The following TTC7A variants were observed in gnomAD, a reference collection of about 807,000 sequenced individuals.
TTC7A encodes the protein tetratricopeptide repeat domain 7A, also known as tetratricopeptide repeat protein 7A.
TTC7A carries 110 observed loss-of-function variants against 103.7 expected under a neutral mutation model. The observed-to-expected ratio is 1.06, with a 90% CI of 0.91 to 1.24. The LOEUF is 1.24. Among genes scored for constraint, TTC7A ranks in the 50% most tolerant of loss-of-function variants. The pLI is 0.00. For missense variants in TTC7A, 1,340 were observed against 1,116.3 expected, an observed-to-expected ratio of 1.20 and a Z score of -2.86; for synonymous variants, 521 against 467.9, an observed-to-expected ratio of 1.11 and a Z score of -1.47.
rs1438599013 is a variant in TTC7A, at chr2:47,029,279, C to G, written c.1697C>G (p.Ala566Gly). 3 of 1,613,916 alleles carry G rather than the reference C, an allele frequency of 1.9e-6. No individual in the cohort carries two copies. Among genetic ancestry groups the G allele is most frequent in the Non-Finnish European group, 2.5e-6 (3 of 1,180,036 alleles). Reference sequence around the variant, plus strand: ...GCCCTGAAGGTACGCAAGGATGATGCCCACGCCCTCCACCTGCTGGCACTG... The same window carrying G: ...GCCCTGAAGGTACGCAAGGATGATGGCCACGCCCTCCACCTGCTGGCACTG... ...QEALKVRKDD[A>G]HALHLLALLF... Residue 566 changes from alanine to glycine, a missense_variant, in exon 15 of 20, where the codon GCC becomes GGC. By Grantham distance (60) the Ala-to-Gly change is moderately conservative. Transcript: ENST00000319190.
intron 10 of TTC7A, among the ~76,000 whole-genome samples, 184 bp from the exon 11 acceptor site, chr2:47,011,147 C>T (rs1011848197): frequency 6.6e-6 from 1 of 152,220 alleles, no homozygotes; most frequent in African/African-American, 2.4e-5. Context: ...GATGAGGAAA[C>T]TGAGGCCCAG....
At chr2:46,951,697 C>T in intron 2 of TTC7A, 1 of 455,764 alleles carries the variant, frequency 2.2e-6, no homozygotes, top group Non-Finnish European at 4.4e-6. Flanking sequence ...AGGAGTGAGG[C>T]ACTGCGCCCA....
chr2:46,991,925 C>T (rs1039578112), intron 5 of TTC7A, among the ~76,000 whole-genome samples: 1 of 152,186 alleles, frequency 6.6e-6, no homozygotes, highest in Admixed American at 6.5e-5. Context: ...GTCCATCTTG[C>T]TTGCGTGTCC....
At position 47,055,277 on chromosome 2, in the gene TTC7A, T is replaced by C. The variant is rs139488122; in HGVS notation, c.2152+3397T>C. On this transcript the variant is annotated intron_variant, in intron 18 of 19. Transcript: ENST00000319190. ...TCAAGATAAATTGCATCCCAATCTGTATGGCAGTAAGTTCCATCGTGAATT... is the reference window on the plus strand; with the variant it reads ...TCAAGATAAATTGCATCCCAATCTGCATGGCAGTAAGTTCCATCGTGAATT... Among the ~76,000 whole-genome samples the C allele has an allele frequency of 1.1e-4, 16 of 152,338 alleles. No individual in the cohort carries two copies. The South Asian group carries it at 1.7e-3, about 16-fold the overall frequency.
chr2:47,049,907 G>A (rs745657682), intron 16 of TTC7A, 42 bp from the exon 17 acceptor site: 15 of 1,501,634 alleles, frequency 1.0e-5, no homozygotes, highest in Middle Eastern at 1.8e-4. Context: ...TGTGATGCTA[G>A]CCCTCTACCT....
upstream of TTC7A, among the ~76,000 whole-genome samples, chr2:46,939,717 C>T (rs1013638523): frequency 1.3e-5 from 2 of 152,202 alleles, no homozygotes; most frequent in African/African-American, 4.8e-5. Context: ...AGGCGTGGGG[C>T]AAATCACAGT....
At chr2:47,070,632 G>A (rs950666043) in intron 19 of TTC7A, among the ~76,000 whole-genome samples, 1 of 152,128 alleles carries the variant, frequency 6.6e-6, no homozygotes, top group African/African-American at 2.4e-5. Context: ...CCGCCCTCAG[G>A]GAAGGCTTCC....
intron 5 of TTC7A, among the ~76,000 whole-genome samples, chr2:46,986,263 C>T (rs938637808): frequency 1.3e-5 from 2 of 152,130 alleles, no homozygotes; most frequent in Admixed American, 1.3e-4. Flanking sequence ...GTTTGGGAAG[C>T]AGGGAGAAAC....
intron 15 of TTC7A, among the ~76,000 whole-genome samples, chr2:47,029,737 G>C (rs1030965411): frequency 2.6e-5 from 4 of 152,214 alleles, no homozygotes; most frequent in Admixed American, 2.6e-4. Flanking sequence ...ACTTGTGTAA[G>C]TTAATCATAG....
In TTC7A at chr2:47,009,947, C is replaced by T. The variant is rs371624276; in HGVS notation, c.1288-1384C>T. On this transcript the variant is annotated intron_variant, in intron 10 of 19. Transcript: ENST00000319190. ...GGAGGGGGCGCGCAGGGAAACAGGCCGCCTTTCTGGCCAAGGTGCTTATCA... is the reference window on the plus strand; with the variant it reads ...GGAGGGGGCGCGCAGGGAAACAGGCTGCCTTTCTGGCCAAGGTGCTTATCA... Among the ~76,000 whole-genome samples the T allele has an allele frequency of 8.0e-5, 12 of 150,624 alleles. No homozygotes were observed. In the South Asian group the frequency reaches 2.3e-3, roughly 29 times the overall value.
chr2:46,947,947 G>T (rs962078419), intron 1 of TTC7A, among the ~76,000 whole-genome samples: 2 of 152,282 alleles, frequency 1.3e-5, no homozygotes, highest in Middle Eastern at 3.4e-3. Context: ...ATGGCCAGCC[G>T]CACTTGGAGC....
intron 1 of TTC7A, among the ~76,000 whole-genome samples, chr2:46,942,365 A>C (rs1226840022): frequency 8.5e-5 from 13 of 152,258 alleles, no homozygotes; most frequent in Non-Finnish European, 4.4e-5. Flanking sequence ...ACCCCGCCCC[A>C]GTCTCTAACC....
chr2:46,971,701 A>G (rs1007037444), intron 3 of TTC7A, among the ~76,000 whole-genome samples: 5 of 151,988 alleles, frequency 3.3e-5, no homozygotes, highest in Non-Finnish European at 4.4e-5. Flanking sequence ...GGACTTGGTC[A>G]TTAGGTGGAT....
intron 1 of TTC7A, among the ~76,000 whole-genome samples, chr2:46,944,042 C>G (rs942332812): frequency 6.6e-6 from 1 of 152,100 alleles, no homozygotes; most frequent in Non-Finnish European, 1.5e-5. Context: ...CTCCTCACCA[C>G]CCAACCAGGG....
chr2:47,034,589 A>C (rs539557390), intron 15 of TTC7A, among the ~76,000 whole-genome samples: 1 of 152,314 alleles, frequency 6.6e-6, no homozygotes, highest in Admixed American at 6.5e-5. Context: ...TCCTCAGCTC[A>C]TGATGGGAGC....
At chr2:46,970,230 C>T (rs1400841643) in intron 3 of TTC7A, among the ~76,000 whole-genome samples, 2 of 152,288 alleles carry the variant, frequency 1.3e-5, no homozygotes, top group Non-Finnish European at 1.5e-5. Context: ...GTCAAGCAGT[C>T]GCTTGCCTGG....
At chr2:46,973,078 C>CT (rs36102816) in intron 3 of TTC7A, among the ~76,000 whole-genome samples, 72,401 of 151,574 alleles carry the variant, frequency 0.48, 18,572 homozygotes, top group East Asian at 0.65. Context: ...CAACTGTATG[C>CT]TTTTCAATTA....
chr2:46,993,426 C>T, intron 5 of TTC7A, 24 bp from the exon 6 acceptor site: 1 of 1,613,140 alleles, frequency 6.2e-7, no homozygotes, highest in Middle Eastern at 1.7e-4. Context: ...GGTAACAAAT[C>T]TACTTCTGCC....
At chr2:47,002,395 A>G (rs1272351541) in intron 8 of TTC7A, among the ~76,000 whole-genome samples, 2 of 152,208 alleles carry the variant, frequency 1.3e-5, no homozygotes, top group African/African-American at 4.8e-5. Flanking sequence ...TTCATGTATT[A>G]CTTTAAGGGT....
Sources: gnomAD v4.1 joint callset for allele counts (sites outside exome capture counted in the v4.1 genomes callset) on GRCh38, gnomAD v4.1.1 for gene constraint, MANE v1.5 for transcripts, NCBI Gene and HGNC (gene_info 2026-07-23, HGNC 2026-07-21) for gene names.